Variants in DECR1 observed in about 807,000 individuals in gnomAD.
DECR1 encodes 2,4-dienoyl-CoA reductase 1, also known as 2,4-dienoyl-CoA reductase [(3E)-enoyl-CoA-producing], mitochondrial.
Under a neutral mutation model 38.8 loss-of-function variants are expected in DECR1, and 44 were observed. The ratio of observed to expected loss-of-function variants is 1.13; its 90% CI spans 0.89 to 1.46. The LOEUF (loss-of-function observed/expected upper bound fraction) is 1.46, where lower values mean the gene tolerates loss of function less well. Among genes scored for constraint, DECR1 ranks in the 40% most tolerant of loss-of-function variants. DECR1 has a pLI of 0.00. For missense variants in DECR1, 428 were observed against 405.5 expected (o/e 1.06, Z -0.48); for synonymous variants, 148 against 135.2 (o/e 1.09, Z -0.66).
chr8:90,046,463 A>G (rs1161512182), intron 8 of DECR1, among the ~76,000 whole-genome samples: 1 of 152,228 alleles, frequency 6.6e-6, no homozygotes, highest in African/African-American at 2.4e-5. Context: ...AAATGAATGA[A>G]ATGAAGTGAG....
chr8:90,006,153 A>G, intron 1 of DECR1: 1 of 699,804 alleles, frequency 1.4e-6, no homozygotes, highest in Non-Finnish European at 2.6e-6. Flanking sequence ...CAAGGGACAA[A>G]CATCCAAACA....
At chr8:90,009,200 A>G (rs772643688) in intron 1 of DECR1, among the ~76,000 whole-genome samples, 17 of 151,996 alleles carry the variant, frequency 1.1e-4, no homozygotes, top group Non-Finnish European at 1.8e-4. Flanking sequence ...CTCCAGCCAC[A>G]CTGGCTTCCT....
At position 90,042,799 on chromosome 8, in the gene DECR1, A is replaced by G; in HGVS notation, c.737A>G (p.Lys246Arg). The change falls in exon 7 of 10, where the codon AAA (lysine) becomes AGA (arginine). Residue 246 changes from lysine to arginine, a missense_variant and splice_region_variant. Lys to Arg is a conservative substitution (Grantham distance 26). Coordinates refer to ENST00000220764, the MANE Select transcript of DECR1 (RefSeq NM_001359.2). ...ATTCAACCAGGGCCTATAAAAACCA[A>G]AGTAAGTTGTATTTTGCTTGTTATC... is the stretch of plus-strand genomic sequence containing the variant. ...NVIQPGPIKT[K>R]GAFSRLDPTG... The G allele has an allele frequency of 6.2e-7, 1 of 1,612,054 alleles. No homozygotes were observed. The highest frequency in any genetic ancestry group is 8.5e-7 in the Non-Finnish European group (1 of 1,178,258).
intron 6 of DECR1, among the ~76,000 whole-genome samples, chr8:90,038,917 T>C (rs1813683017): frequency 1.3e-5 from 2 of 152,192 alleles, no homozygotes; most frequent in African/African-American, 2.4e-5. Flanking sequence ...GATGAGAACT[T>C]GACTATTTTG....
At position 90,052,007 on chromosome 8, in the gene DECR1, C is replaced by A; in HGVS notation, c.*110C>A. On this transcript the variant is annotated 3_prime_UTR_variant, in exon 10 of 10. Transcript: ENST00000220764. ...AATAAATTCTTAATTAACAAACATT[C>A]ATTGAATATGTATTATGTGCCAGGC... 1 of 927,932 alleles carries A rather than the reference C, an allele frequency of 1.1e-6. No individual in the cohort carries two copies. The highest frequency in any genetic ancestry group is 1.5e-5 in the South Asian group (1 of 66,780). The allele number at this position is 927,932 out of a possible 1,614,324, so 57.5% of individuals were successfully genotyped here.
At chr8:90,016,511 G>A (rs1334599835) in intron 1 of DECR1, among the ~76,000 whole-genome samples, 1 of 151,974 alleles carries the variant, frequency 6.6e-6, no homozygotes, top group Non-Finnish European at 1.5e-5. Flanking sequence ...GTGTGTGCCT[G>A]TAATCCCAGC....
intron 6 of DECR1, among the ~76,000 whole-genome samples, chr8:90,039,116 T>C (rs1031918067): frequency 1.3e-5 from 2 of 152,198 alleles, no homozygotes; most frequent in Admixed American, 1.3e-4. Flanking sequence ...TCATACTTTA[T>C]AGTACACAGT....
In DECR1 at chr8:90,025,823, G is replaced by A. The variant is rs575687032; in HGVS notation, c.565+4767G>A. Among the ~76,000 whole-genome samples, 27 of 152,192 alleles carry A rather than the reference G, an allele frequency of 1.8e-4. No homozygotes were observed. The East Asian group carries it at 4.4e-3, about 25-fold the overall frequency. ...CCAGTTTTCACAGAGAATCCTTCCAGTTTTTGCCTATTCAGTATGATATTG... is the reference window on the plus strand; with the variant it reads ...CCAGTTTTCACAGAGAATCCTTCCAATTTTTGCCTATTCAGTATGATATTG... On this transcript the variant is annotated intron_variant, in intron 5 of 9. Transcript: ENST00000220764.
chr8:90,021,141 A>G lies in DECR1; in HGVS notation c.565+85A>G, dbSNP rs1027941964. 27 of 1,085,048 alleles carry G rather than the reference A, an allele frequency of 2.5e-5. No homozygotes were observed. In the Admixed American group the frequency reaches 2.9e-4, roughly 12 times the overall value. The allele number at this position is 1,085,048 out of a possible 1,614,324, so 67.2% of individuals were successfully genotyped here. The stretch of plus-strand genomic sequence containing the variant: ...AAGCTCTGTGATACTTTAAAAGTCA[A>G]TGAGACAGTCTACACTTGTACAACT... On this transcript the variant is annotated intron_variant, in intron 5 of 9. Transcript: ENST00000220764.
intron 1 of DECR1, among the ~76,000 whole-genome samples, chr8:90,004,420 C>T (rs967670704): frequency 6.6e-5 from 10 of 151,712 alleles, no homozygotes; most frequent in Non-Finnish European, 7.4e-5. Flanking sequence ...GATTCCTGGC[C>T]AATATTCAGC....
At chr8:90,039,775 G>T (rs1321105362) in intron 6 of DECR1, among the ~76,000 whole-genome samples, 4 of 152,174 alleles carry the variant, frequency 2.6e-5, no homozygotes, top group African/African-American at 9.6e-5. Flanking sequence ...CCTAGTAACT[G>T]ATTCATTATA....
At chr8:90,012,733 A>G (rs1431648170) in intron 1 of DECR1, among the ~76,000 whole-genome samples, 2 of 152,186 alleles carry the variant, frequency 1.3e-5, no homozygotes, top group Non-Finnish European at 1.5e-5. Flanking sequence ...TGGCTTCCTA[A>G]GCATCCTGAT....
intron 1 of DECR1, among the ~76,000 whole-genome samples, chr8:90,009,391 T>A (rs1812826916): frequency 6.6e-6 from 1 of 152,178 alleles, no homozygotes; most frequent in Non-Finnish European, 1.5e-5. Context: ...TTCTCTGCCT[T>A]ATTTTTTCCC....
chr8:90,002,936 G>A (rs117157713), intron 1 of DECR1, among the ~76,000 whole-genome samples: 133 of 152,310 alleles, frequency 8.7e-4, no homozygotes, highest in Non-Finnish European at 1.6e-3. Flanking sequence ...TAGGATTGTA[G>A]CAATAAGGTC....
At chr8:90,028,186 G>T (rs188660096) in intron 5 of DECR1, among the ~76,000 whole-genome samples, 1 of 152,156 alleles carries the variant, frequency 6.6e-6, no homozygotes, top group Non-Finnish European at 1.5e-5. Context: ...ACTTTAACCT[G>T]AATCCAACAA....
intron 6 of DECR1, among the ~76,000 whole-genome samples, chr8:90,039,453 C>T (rs1813695950): frequency 6.6e-6 from 1 of 152,158 alleles, no homozygotes; most frequent in African/African-American, 2.4e-5. Flanking sequence ...TGAGAACTCA[C>T]TCACTATCAT....
intron 1 of DECR1, among the ~76,000 whole-genome samples, chr8:90,001,765 C>T (rs948683991): frequency 1.4e-5 from 2 of 147,778 alleles, no homozygotes; most frequent in Admixed American, 6.7e-5. Context: ...CCCGGGGCCT[C>T]GGGGAGCGAG....
At chr8:90,049,792 A>G (rs1362577459) in intron 8 of DECR1, among the ~76,000 whole-genome samples, 1 of 152,110 alleles carries the variant, frequency 6.6e-6, no homozygotes, top group Non-Finnish European at 1.5e-5. Context: ...ACAAGGCTAC[A>G]GTAACCAAAA....
At chr8:90,028,316 G>T (rs1366602051) in intron 5 of DECR1, among the ~76,000 whole-genome samples, 1 of 151,872 alleles carries the variant, frequency 6.6e-6, no homozygotes, top group African/African-American at 2.4e-5. Flanking sequence ...TAAAATGTTG[G>T]CCTCATGTCT....
Sources: allele counts gnomAD v4.1 joint callset (sites outside exome capture counted in the v4.1 genomes callset), GRCh38; gene constraint gnomAD v4.1.1; transcripts MANE v1.5; gene names NCBI Gene and HGNC (gene_info 2026-07-23, HGNC 2026-07-21).